Variants in ARF5 observed in about 807,000 individuals in gnomAD.
The protein encoded by ARF5 is ARF GTPase 5, also known as ADP-ribosylation factor 5.
ARF5 carries 10 observed loss-of-function variants against 24.8 expected under a neutral mutation model. That is an observed-to-expected ratio of 0.40 (90% CI 0.25 to 0.68). The LOEUF (loss-of-function observed/expected upper bound fraction) is 0.68, where lower values mean the gene tolerates loss of function less well. Among genes scored for constraint, ARF5 ranks in the 30% least tolerant of loss-of-function variants. ARF5 has a pLI of 0.36. For missense variants in ARF5, 135 were observed against 239.2 expected, an observed-to-expected ratio of 0.56 and a Z score of 2.87; for synonymous variants, 102 against 95.1, an observed-to-expected ratio of 1.07 and a Z score of -0.42.
intron 1 of ARF5, chr7:127,588,773 T>G: frequency 1.7e-6 from 1 of 587,312 alleles, no homozygotes; most frequent in South Asian, 2.6e-5. Flanking sequence ...CTGGGTGGGG[T>G]GAAGCTCCCT....
At chr7:127,588,595 CG>C in intron 1 of ARF5, 30 bp downstream of exon 1, 1 of 1,331,056 alleles carries the variant, frequency 7.5e-7, no homozygotes, top group Non-Finnish European at 9.7e-7. Context: ...CGGCCCGGAC[CG>C]GGGCGCCGGC....
At chr7:127,589,866 T>G (rs1005245803) in intron 3 of ARF5, 200 bp from the exon 4 acceptor site, 5 of 615,028 alleles carry the variant, frequency 8.1e-6, no homozygotes, top group African/African-American at 1.8e-5. Context: ...TTGGATAAAC[T>G]ACTTCCTCTT....
In ARF5 at chr7:127,591,491, G is replaced by A. The variant is rs1460028459; in HGVS notation, c.*192G>A. ...TGGAGCCTTGCTCTCTGGGCACAGAGGGGTCCACTCTCCTGCCTGCTGGGA... is the reference window on the plus strand; with the variant it reads ...TGGAGCCTTGCTCTCTGGGCACAGAAGGGTCCACTCTCCTGCCTGCTGGGA... On this transcript the variant is annotated 3_prime_UTR_variant, in exon 6 of 6. Transcript: ENST00000000233. The A allele has an allele frequency of 9.0e-6, 5 of 554,952 alleles. No individual in the cohort carries two copies. Among genetic ancestry groups the A allele is most frequent in the Admixed American group, 3.8e-5 (1 of 26,042 alleles). The allele number at this position is 554,952 out of a possible 1,614,324, so 34.4% of individuals were successfully genotyped here.
At position 127,588,439 on chromosome 7, in the gene ARF5, G is replaced by A. The variant is rs1385408270; in HGVS notation, c.-60G>A. The stretch of plus-strand genomic sequence containing the variant: ...CTGCTGCTGCGCCCCATCCCCCCGC[G>A]GCCGGCCAGTTCCAGCCCGCACCCC... On this transcript the variant is annotated 5_prime_UTR_variant, in exon 1 of 6. Transcript: ENST00000000233. 3.4e-6 allele frequency: 4 copies of A among 1,170,200 alleles called. No individual in the cohort carries two copies. Among genetic ancestry groups the A allele is most frequent in the East Asian group, 3.2e-5 (1 of 31,238 alleles). 72.5% of individuals were successfully genotyped at this position (1,170,200 alleles called of 1,614,324 possible). A position where few individuals can be genotyped will look rare whatever the true frequency, so the allele number is the denominator to read the frequency against.
Position 127,588,484 on chromosome 7 carries a change from TCCCCGGGCCCCG to T in ARF5, c.-12_-1del. On this transcript the variant is annotated 5_prime_UTR_variant, in exon 1 of 6. Transcript: ENST00000000233. Reference sequence around the variant, plus strand: ...CACCCCGCGTCGGTGCCCGCGCCCCTCCCCGGGCCCCGCCATGGGCCTCACCGTGTCCGCGCT... The same window carrying T: ...CACCCCGCGTCGGTGCCCGCGCCCCTCCATGGGCCTCACCGTGTCCGCGCT... 7.0e-7 allele frequency: 1 copy of T among 1,420,824 alleles called. No homozygotes were observed. The highest frequency in any genetic ancestry group is 9.3e-7 in the Non-Finnish European group (1 of 1,075,334). The allele number at this position is 1,420,824 out of a possible 1,614,324, so 88.0% of individuals were successfully genotyped here. A position where few individuals can be genotyped will look rare whatever the true frequency, so the allele number is the denominator to read the frequency against.
chr7:127,591,168 C>T (rs1475231785), intron 5 of ARF5, 45 bp from the exon 6 acceptor site: 2 of 1,606,494 alleles, frequency 1.2e-6, no homozygotes, highest in South Asian at 1.1e-5. Context: ...AAAGGCATTC[C>T]TTTTGTTCCT....
At position 127,591,536 on chromosome 7, in the gene ARF5, G is replaced by A. The variant is rs2117419320; in HGVS notation, c.*237G>A. ...CTGGGACCTATGGAAGGGGCTTCCTGGCCAAGGCCCCCTCTTCCAGAGGAG... is the reference window on the plus strand; with the variant it reads ...CTGGGACCTATGGAAGGGGCTTCCTAGCCAAGGCCCCCTCTTCCAGAGGAG... On this transcript the variant is annotated 3_prime_UTR_variant, in exon 6 of 6. Coordinates refer to ENST00000000233, the MANE Select transcript of ARF5 (RefSeq NM_001662.4). 2.1e-5 allele frequency: 10 copies of A among 481,410 alleles called. 1 individual carries two copies. In the South Asian group the frequency reaches 3.5e-4, roughly 17 times the overall value. 29.8% of individuals were successfully genotyped at this position (481,410 alleles called of 1,614,324 possible).
At chr7:127,590,174 T>C in intron 4 of ARF5, 37 bp downstream of exon 4, 2 of 1,566,256 alleles carry the variant, frequency 1.3e-6, no homozygotes, top group South Asian at 2.2e-5. Context: ...AGCCCTCAGC[T>C]TGGGGACAGA....
At position 127,591,043 on chromosome 7, in the gene ARF5, C is replaced by T. The variant is rs775287559; in HGVS notation, c.411C>T (p.Ser137=). The part of the protein sequence containing the change: ...KQDMPNAMPV[S]ELTDKLGLQH... ...ACATGCCCAACGCCATGCCCGTGAG[C>T]GAGCTGACTGACAAGCTGGGGCTAC... is the stretch of plus-strand genomic sequence containing the variant. Residue 137 remains serine, a synonymous_variant, in exon 5 of 6, where the codon AGC becomes AGT. Coordinates refer to ENST00000000233, the MANE Select transcript of ARF5 (RefSeq NM_001662.4). 1.4e-5 allele frequency: 22 copies of T among 1,613,970 alleles called. No homozygotes were observed. Among genetic ancestry groups the T allele is most frequent in the South Asian group, 6.6e-5 (6 of 91,084 alleles).
chr7:127,591,444 T>C lies in ARF5; in HGVS notation c.*145T>C. On this transcript the variant is annotated 3_prime_UTR_variant, in exon 6 of 6. Transcript: ENST00000000233. ...GCCTCTGCTCCTGCTCCTGCCTGCATGTTCTCTCTGTTGTTGGAGCCTGGA... is the reference window on the plus strand; with the variant it reads ...GCCTCTGCTCCTGCTCCTGCCTGCACGTTCTCTCTGTTGTTGGAGCCTGGA... The C allele has an allele frequency of 7.4e-6, 5 of 671,172 alleles. No homozygotes were observed. Among genetic ancestry groups the C allele is most frequent in the Non-Finnish European group, 1.2e-5 (5 of 418,726 alleles). 41.6% of individuals were successfully genotyped at this position (671,172 alleles called of 1,614,324 possible). A position where few individuals can be genotyped will look rare whatever the true frequency, so the allele number is the denominator to read the frequency against.
At chr7:127,589,659 T>G (rs759866266) in intron 3 of ARF5, 65 bp downstream of exon 3, 3 of 1,368,996 alleles carry the variant, frequency 2.2e-6, no homozygotes, top group South Asian at 1.2e-5. Flanking sequence ...GAGAACAGAA[T>G]TGTTGGCCTA....
chr7:127,590,194 G>A (rs1794263064), intron 4 of ARF5, 57 bp downstream of exon 4: 1 of 1,462,240 alleles, frequency 6.8e-7, no homozygotes, highest in African/African-American at 1.4e-5. Flanking sequence ...AGTGATCTCT[G>A]TAGTGGTATA....
At chr7:127,589,651 G>A (rs747528741) in intron 3 of ARF5, 57 bp downstream of exon 3, 17 of 1,408,928 alleles carry the variant, frequency 1.2e-5, no homozygotes, top group Non-Finnish European at 1.6e-5. Context: ...AGGGCTGGGA[G>A]AACAGAATTG....
chr7:127,591,690 T>C lies in ARF5; in HGVS notation c.*391T>C, dbSNP rs1794290569. 2 of 299,998 alleles carry C rather than the reference T, an allele frequency of 6.7e-6. No homozygotes were observed. The highest frequency in any genetic ancestry group is 2.9e-5 in the South Asian group (1 of 35,002). The allele number at this position is 299,998 out of a possible 1,614,324, so 18.6% of individuals were successfully genotyped here. On this transcript the variant is annotated 3_prime_UTR_variant, in exon 6 of 6. Transcript: ENST00000000233. The stretch of plus-strand genomic sequence containing the variant: ...ACTGGATCTTGAGTAATAAATTTGC[T>C]GTGGTTTGTACACGGTGTTGTCTGT...
chr7:127,590,830 T>C (rs1794275974), intron 4 of ARF5, 133 bp from the exon 5 acceptor site: 3 of 1,223,854 alleles, frequency 2.5e-6, no homozygotes, highest in Middle Eastern at 2.1e-4. Context: ...CATTTACAAC[T>C]ATGTCTTGTC....
Position 127,589,554 on chromosome 7 carries a change from A to G in ARF5, c.218A>G (p.Lys73Arg). Residue 73 changes from lysine to arginine, a missense_variant, in exon 3 of 6, where the codon AAG (lysine) becomes AGG (arginine). By Grantham distance (26) the Lys-to-Arg change is conservative (BLOSUM62 2). Transcript: ENST00000000233. ...GTCTGGGACGTGGGAGGCCAGGACA[A>G]GATTCGGCCTCTGTGGCGGCACTAC... ...FTVWDVGGQD[K>R]IRPLWRHYFQ... is the part of the protein sequence containing the mutation. 6.2e-7 allele frequency: 1 copy of G among 1,614,090 alleles called. No homozygotes were observed. The highest frequency in any genetic ancestry group is 2.2e-5 in the East Asian group (1 of 44,884).
At chr7:127,588,983 C>T in intron 1 of ARF5, 100 bp from the exon 2 acceptor site, 1 of 1,399,644 alleles carries the variant, frequency 7.1e-7, no homozygotes, top group Non-Finnish European at 1.0e-6. Flanking sequence ...CTCCCGCTCT[C>T]CGCCCCAGTC....
intron 4 of ARF5, among the ~76,000 whole-genome samples, 172 bp from the exon 5 acceptor site, chr7:127,590,791 G>A (rs1440284600): frequency 1.1e-4 from 17 of 152,220 alleles, no homozygotes; most frequent in Admixed American, 1.0e-3. Flanking sequence ...TTTCTTTTCT[G>A]GACTTATGGG....
rs1365271881 is a variant in ARF5 at position 127,591,364 on chromosome 7, C to G, written c.*65C>G. On this transcript the variant is annotated 3_prime_UTR_variant, in exon 6 of 6. Coordinates refer to ENST00000000233, the MANE Select transcript of ARF5 (RefSeq NM_001662.4). Reference sequence around the variant, plus strand: ...GTGCATCCCCGGGATGACCAGACTCCCGGACTCCTCAGGCAGTGCCCTTTC... The same window carrying G: ...GTGCATCCCCGGGATGACCAGACTCGCGGACTCCTCAGGCAGTGCCCTTTC... The G allele has an allele frequency of 7.1e-7, 1 of 1,404,172 alleles. No individual in the cohort carries two copies. Among genetic ancestry groups the G allele is most frequent in the African/African-American group, 1.5e-5 (1 of 68,940 alleles). 87.0% of individuals were successfully genotyped at this position (1,404,172 alleles called of 1,614,324 possible). A position where few individuals can be genotyped will look rare whatever the true frequency, so the allele number is the denominator to read the frequency against.
Sources: gnomAD v4.1 joint callset for allele counts (sites outside exome capture counted in the v4.1 genomes callset) on GRCh38, gnomAD v4.1.1 for gene constraint, MANE v1.5 for transcripts, NCBI Gene and HGNC (gene_info 2026-07-23, HGNC 2026-07-21) for gene names.